CCT7: variants seen among roughly 807,000 people sequenced by gnomAD.
The protein encoded by CCT7 is chaperonin containing TCP1 subunit 7, also known as T-complex protein 1 subunit eta.
In CCT7, 16 loss-of-function variants were observed where a neutral mutation model predicts 56.6. The observed-to-expected ratio is 0.28, with a 90% confidence interval of 0.19 to 0.43. The LOEUF (loss-of-function observed/expected upper bound fraction) is 0.43. CCT7 is among the 20% of genes least tolerant of loss of function. The pLI is 1.00. For missense variants in CCT7, 519 were observed against 685.6 expected (o/e 0.76, Z 2.71); for synonymous variants, 262 against 254.8 (o/e 1.03, Z -0.27).
At chr2:73,248,880 C>A in intron 7 of CCT7, 111 bp from the exon 8 acceptor site, 1 of 823,494 alleles carries the variant, frequency 1.2e-6, no homozygotes, top group Non-Finnish European at 1.9e-6. Flanking sequence ...CTGTTAATTC[C>A]CAGATGAATC....
chr2:73,250,286 C>A lies in CCT7; in HGVS notation c.1071-20C>A. On this transcript the variant is annotated intron_variant, in intron 9 of 11. Coordinates refer to ENST00000258091, the MANE Select transcript of CCT7 (RefSeq NM_006429.4). ...TGGCAGACAAGAGTTCATGTGTGTACTGTTTAATCCTGGGCATAGGTACAA... is the reference window on the plus strand; with the variant it reads ...TGGCAGACAAGAGTTCATGTGTGTAATGTTTAATCCTGGGCATAGGTACAA... The A allele has an allele frequency of 6.2e-7, 1 of 1,613,862 alleles. No homozygotes were observed. The highest frequency in any genetic ancestry group is 8.5e-7 in the Non-Finnish European group (1 of 1,179,858).
chr2:73,240,113 TATTA>T (rs1211930564), intron 2 of CCT7: 2 of 334,064 alleles, frequency 6.0e-6, no homozygotes, highest in Non-Finnish European at 5.4e-6. Context: ...TATCTTGGTA[TATTA>T]ATTGATGTGT....
At chr2:73,249,227 G>T in intron 8 of CCT7, 48 bp downstream of exon 8, 2 of 1,443,278 alleles carry the variant, frequency 1.4e-6, no homozygotes, top group Non-Finnish European at 9.5e-7. Flanking sequence ...GGCCCTGAAG[G>T]GTTTTCACTG....
Position 73,234,402 on chromosome 2 carries a change from C to T in CCT7, c.6+18C>T, listed in dbSNP as rs751597086. On this transcript the variant is annotated intron_variant, in intron 1 of 11. Coordinates refer to ENST00000258091, the MANE Select transcript of CCT7 (RefSeq NM_006429.4). Reference sequence around the variant, plus strand: ...AAATGATGGTGAGTGGCGTCTCGCGCATCCGTCGCCATCAGCTGCCATCTG... The same window carrying T: ...AAATGATGGTGAGTGGCGTCTCGCGTATCCGTCGCCATCAGCTGCCATCTG... The T allele has an allele frequency of 2.5e-6, 4 of 1,612,688 alleles. No individual in the cohort carries two copies. The highest frequency in any genetic ancestry group is 2.7e-5 in the African/African-American group (2 of 74,950).
chr2:73,248,957 C>G (rs1687459349), intron 7 of CCT7, 34 bp from the exon 8 acceptor site: 1 of 1,579,138 alleles, frequency 6.3e-7, no homozygotes, highest in African/African-American at 1.3e-5. Context: ...ACCTTCACCC[C>G]AAAGCATTCT....
rs376421336 is a variant in CCT7, at chr2:73,248,945, C to T, written c.784-46C>T. On this transcript the variant is annotated intron_variant, in intron 7 of 11. Transcript: ENST00000258091. ...GTATATTTTACCCTACCGTATATGT[C>T]AACCTTCACCCCAAAGCATTCTCAT... 7.2e-5 allele frequency: 110 copies of T among 1,532,042 alleles called. No homozygotes were observed. In the African/African-American group the frequency reaches 1.2e-3, roughly 16 times the overall value. 94.9% of individuals were successfully genotyped at this position (1,532,042 alleles called of 1,614,324 possible).
chr2:73,241,996 C>T (rs1350072650), intron 3 of CCT7, among the ~76,000 whole-genome samples: 3 of 152,072 alleles, frequency 2.0e-5, no homozygotes, highest in Admixed American at 6.5e-5. Flanking sequence ...CCGCCTCGGC[C>T]TCCCCAAGTG....
At chr2:73,234,633 C>T (rs755122719) in intron 1 of CCT7, among the ~76,000 whole-genome samples, 1 of 152,222 alleles carries the variant, frequency 6.6e-6, no homozygotes, top group East Asian at 1.9e-4. Context: ...GACTACAAGT[C>T]CCAGGGTGCT....
At chr2:73,251,584 G>C (rs964954112) in intron 11 of CCT7, 152 bp downstream of exon 11, 1 of 660,692 alleles carries the variant, frequency 1.5e-6, no homozygotes, top group Admixed American at 2.5e-5. Flanking sequence ...CCTCCTCTGA[G>C]GGCAGAAGGA....
intron 1 of CCT7, 121 bp downstream of exon 1, chr2:73,234,505 TC>T: frequency 8.1e-7 from 1 of 1,235,726 alleles, no homozygotes; most frequent in Non-Finnish European, 1.1e-6. Flanking sequence ...CTCGCCCAGA[TC>T]CCCAGCTTAG....
Position 73,251,522 on chromosome 2 carries a change from T to C in CCT7, c.1410+90T>C, listed in dbSNP as rs189365306. ...TGTGCTTACTCAAGCTGTGCACGCC[T>C]GGCCCAGGAGATAGGCTGCAACTCC... On this transcript the variant is annotated intron_variant, in intron 11 of 11. Coordinates refer to ENST00000258091, the MANE Select transcript of CCT7 (RefSeq NM_006429.4). The C allele has an allele frequency of 1.1e-3, 1,314 of 1,183,678 alleles. 3 individuals carry two copies. The highest frequency in any genetic ancestry group is 8.3e-4 in the Non-Finnish European group (681 of 820,204). The allele number at this position is 1,183,678 out of a possible 1,614,324, so 73.3% of individuals were successfully genotyped here. A position where few individuals can be genotyped will look rare whatever the true frequency, so the allele number is the denominator to read the frequency against.
chr2:73,238,295 T>A (rs1686963566), intron 1 of CCT7, among the ~76,000 whole-genome samples: 1 of 152,260 alleles, frequency 6.6e-6, no homozygotes, highest in Non-Finnish European at 1.5e-5. Context: ...CCATAGTGTG[T>A]CTACGAGTGT....
chr2:73,245,354 G>A (rs1363327119), intron 6 of CCT7, among the ~76,000 whole-genome samples: 1 of 152,212 alleles, frequency 6.6e-6, no homozygotes, highest in Non-Finnish European at 1.5e-5. Context: ...AGCGTGTGTA[G>A]CTCTTAACTC....
intron 1 of CCT7, among the ~76,000 whole-genome samples, chr2:73,237,284 C>A (rs1686922835): frequency 1.3e-5 from 2 of 152,126 alleles, no homozygotes; most frequent in Admixed American, 6.5e-5. Flanking sequence ...TAGAAGATGG[C>A]AGAGTGACTA....
intron 3 of CCT7, among the ~76,000 whole-genome samples, chr2:73,242,695 G>A (rs942555961): frequency 1.3e-5 from 2 of 152,314 alleles, no homozygotes. Context: ...TGCCTTGTAC[G>A]TAACATAAGT....
chr2:73,238,080 G>T (rs950415369), intron 1 of CCT7, among the ~76,000 whole-genome samples: 1 of 152,110 alleles, frequency 6.6e-6, no homozygotes, highest in Non-Finnish European at 1.5e-5. Flanking sequence ...CTCTTATTCC[G>T]TAGAGTTTAT....
At chr2:73,245,460 C>T (rs1471910854) in intron 6 of CCT7, among the ~76,000 whole-genome samples, 2 of 152,184 alleles carry the variant, frequency 1.3e-5, no homozygotes, top group Admixed American at 1.3e-4. Context: ...CTACTGAGCA[C>T]CTGAAATGCA....
rs552753576 is a variant in CCT7 at position 73,239,243 on chromosome 2, A to G, written c.7-400A>G. 9 of 162,868 alleles carry G rather than the reference A, an allele frequency of 5.5e-5. No homozygotes were observed. In the East Asian group the frequency reaches 1.4e-3, roughly 26 times the overall value. 10.1% of individuals were successfully genotyped at this position (162,868 alleles called of 1,614,324 possible). A position where few individuals can be genotyped will look rare whatever the true frequency, so the allele number is the denominator to read the frequency against. ...TCTAAGATTGAGCTGTAACACAGACAAGTGGATGTTTTGCTGCGGAATGAA... is the reference window on the plus strand; with the variant it reads ...TCTAAGATTGAGCTGTAACACAGACGAGTGGATGTTTTGCTGCGGAATGAA... On this transcript the variant is annotated intron_variant, in intron 1 of 11. Transcript: ENST00000258091.
At chr2:73,234,474 C>G (rs751437609) in intron 1 of CCT7, 90 bp downstream of exon 1, 4 of 1,443,118 alleles carry the variant, frequency 2.8e-6, no homozygotes, top group Non-Finnish European at 2.9e-6. Context: ...GTAGGACCCT[C>G]TTTTGCTTGC....
Sources: gnomAD v4.1 joint callset for allele counts (sites outside exome capture counted in the v4.1 genomes callset) on GRCh38, gnomAD v4.1.1 for gene constraint, MANE v1.5 for transcripts, NCBI Gene and HGNC (gene_info 2026-07-23, HGNC 2026-07-21) for gene names.